The following WDR76 variants were observed in gnomAD, a reference collection of about 807,000 sequenced individuals.
WDR76 encodes the protein WD repeat domain 76.
Under a neutral mutation model 70.2 loss-of-function variants are expected in WDR76, and 52 were observed. The observed-to-expected ratio is 0.74, with a 90% CI of 0.59 to 0.93. The LOEUF (loss-of-function observed/expected upper bound fraction) is 0.93. Among genes scored for constraint, WDR76 ranks in the 40% least tolerant of loss-of-function variants. WDR76 has a pLI of 0.00. For synonymous variants in WDR76, 292 were observed against 271.1 expected, an observed-to-expected ratio of 1.08 and a Z score of -0.76; for missense variants, 756 against 760.2, an observed-to-expected ratio of 0.99 and a Z score of 0.07.
intron 5 of WDR76, among the ~76,000 whole-genome samples, chr15:43,840,586 A>G (rs967717153): frequency 6.6e-6 from 1 of 152,216 alleles, no homozygotes; most frequent in Non-Finnish European, 1.5e-5. Flanking sequence ...AGATAGCACT[A>G]ATTAGGCTGG....
intron 8 of WDR76, among the ~76,000 whole-genome samples, chr15:43,847,252 T>C (rs575645078): frequency 2.7e-4 from 41 of 152,150 alleles, no homozygotes; most frequent in African/African-American, 8.9e-4. Flanking sequence ...AAATGTAAAA[T>C]TCAATGCTTT....
chr15:43,858,585 G>A lies in WDR76; in HGVS notation c.1410-86G>A, dbSNP rs562200549. On this transcript the variant is annotated intron_variant, in intron 10 of 12. Transcript: ENST00000263795. ...AAATGTTCTTCAGTATAGCAAGTAT[G>A]TGAGTGTCTAACTTATGTTTAGCCC... 4 of 1,506,674 alleles carry A rather than the reference G, an allele frequency of 2.7e-6. No individual in the cohort carries two copies. In the African/African-American group the frequency reaches 5.5e-5, roughly 21 times the overall value. The allele number at this position is 1,506,674 out of a possible 1,614,324, so 93.3% of individuals were successfully genotyped here.
intron 12 of WDR76, among the ~76,000 whole-genome samples, chr15:43,864,378 A>G (rs1221215469): frequency 6.6e-6 from 1 of 152,186 alleles, no homozygotes; most frequent in Admixed American, 6.5e-5. Flanking sequence ...CCAACAATGT[A>G]CAAGGGGTCC....
intron 5 of WDR76, among the ~76,000 whole-genome samples, chr15:43,841,201 GT>G (rs910565504): frequency 0.14 from 14,201 of 102,146 alleles, 592 homozygotes; most frequent in East Asian, 0.25. Context: ...TTGTTTTTTT[GT>G]TTTTTTTTTT....
In WDR76 at chr15:43,839,616, A is replaced by G; in HGVS notation, c.620A>G (p.Lys207Arg). ...CCCCACTCCTTTAGAAAGAAGCCTA[A>G]GAGAGAAAATGGGATTGGATGTAGA... is the stretch of plus-strand genomic sequence containing the variant. ...QPPKSKRKKP[K>R]RENGIGCRRS... Residue 207 changes from lysine to arginine, a missense_variant, in exon 5 of 13, where the codon AAG becomes AGG. Lys to Arg is a conservative substitution (Grantham distance 26, BLOSUM62 2). Transcript: ENST00000263795. 1 of 1,610,750 alleles carries G rather than the reference A, an allele frequency of 6.2e-7. No individual in the cohort carries two copies.
intron 8 of WDR76, among the ~76,000 whole-genome samples, chr15:43,850,518 A>T (rs1412859317): frequency 2.0e-5 from 3 of 151,834 alleles, no homozygotes; most frequent in Non-Finnish European, 1.5e-5. Flanking sequence ...GATGGTCTCG[A>T]TCTCCTGACC....
chr15:43,827,117 A>C, intron 1 of WDR76, 25 bp downstream of exon 1: 3 of 1,514,792 alleles, frequency 2.0e-6, no homozygotes, highest in Non-Finnish European at 2.7e-6. Flanking sequence ...GGTGCTTCCA[A>C]GGTGTGCTCC....
chr15:43,834,158 T>G (rs2141725319), intron 2 of WDR76, among the ~76,000 whole-genome samples: 1 of 152,296 alleles, frequency 6.6e-6, no homozygotes, highest in African/African-American at 2.4e-5. Flanking sequence ...TTTTGCTATT[T>G]CCTGAATATA....
At position 43,866,408 on chromosome 15, in the gene WDR76, ACATCAATTTGTT is replaced by A; in HGVS notation, c.*19_*30del. ...AAGCTGCTGAGTTTTTGGTTTAGGAACATCAATTTGTTCAAATTGACCACTGTCTAAGGAGCC... is the reference window on the plus strand; with the variant it reads ...AAGCTGCTGAGTTTTTGGTTTAGGAACAAATTGACCACTGTCTAAGGAGCC... On this transcript the variant is annotated 3_prime_UTR_variant, in exon 13 of 13. Transcript: ENST00000263795. The A allele has an allele frequency of 6.2e-7, 1 of 1,611,540 alleles. No homozygotes were observed. The highest frequency in any genetic ancestry group is 8.5e-7 in the Non-Finnish European group (1 of 1,177,834).
chr15:43,839,855 A>G lies in WDR76; in HGVS notation c.732+127A>G, dbSNP rs902720567. ...TATTTCATTAATACTTGAATGTTGT[A>G]TGGTTTTGTTTTGTTTTTTTGAGAT... On this transcript the variant is annotated intron_variant, in intron 5 of 12. Coordinates refer to ENST00000263795, the MANE Select transcript of WDR76 (RefSeq NM_024908.4). The G allele has an allele frequency of 4.1e-6, 5 of 1,210,662 alleles. No individual in the cohort carries two copies. The African/African-American group carries it at 6.3e-5, about 15-fold the overall frequency. The allele number at this position is 1,210,662 out of a possible 1,614,324, so 75.0% of individuals were successfully genotyped here.
intron 12 of WDR76, among the ~76,000 whole-genome samples, chr15:43,864,717 C>G (rs1366902122): frequency 6.6e-6 from 1 of 151,750 alleles, no homozygotes; most frequent in Non-Finnish European, 1.5e-5. Context: ...GCCTCAGCCT[C>G]CTGAGTAGCT....
intron 8 of WDR76, among the ~76,000 whole-genome samples, chr15:43,847,022 C>CAAAA (rs57096588): frequency 1.2e-3 from 83 of 66,696 alleles, no homozygotes; most frequent in Non-Finnish European, 2.5e-3. Context: ...AACACCACCT[C>CAAAA]AAAAAAAAAA....
Position 43,828,270 on chromosome 15 carries a change from G to A in WDR76, c.366G>A (p.Lys122=). 6.2e-7 allele frequency: 1 copy of A among 1,614,194 alleles called. No homozygotes were observed. The highest frequency in any genetic ancestry group is 8.5e-7 in the Non-Finnish European group (1 of 1,180,044). The change falls in exon 2 of 13, where the codon AAG becomes AAA. Residue 122 remains lysine (K), a synonymous_variant. Transcript: ENST00000263795. ...SSSAVHTESN[K]LQPKRTADAM... ...CAGCTGTTCATACTGAAAGTAACAAGCTACAACCCAAGAGAACGGCAGATG... is the reference window on the plus strand; with the variant it reads ...CAGCTGTTCATACTGAAAGTAACAAACTACAACCCAAGAGAACGGCAGATG...
At position 43,828,118 on chromosome 15, in the gene WDR76, G is replaced by C; in HGVS notation, c.214G>C (p.Glu72Gln). The C allele has an allele frequency of 6.2e-7, 1 of 1,614,086 alleles. No homozygotes were observed. Among genetic ancestry groups the C allele is most frequent in the Non-Finnish European group, 8.5e-7 (1 of 1,180,018 alleles). ...GCTTATGTGCCCCAAATCCCTATCA[G>C]AAAAGAATTCTAACAATGAAGTGGC... is the stretch of plus-strand genomic sequence containing the variant. ...DQLMCPKSLS[E>Q]KNSNNEVACK... Residue 72 changes from glutamate to glutamine, a missense_variant, in exon 2 of 13, where the codon GAA (glutamate) becomes CAA (glutamine). Coordinates refer to ENST00000263795, the MANE Select transcript of WDR76 (RefSeq NM_024908.4).
intron 8 of WDR76, among the ~76,000 whole-genome samples, chr15:43,847,338 G>A (rs1272498677): frequency 6.6e-6 from 1 of 151,762 alleles, no homozygotes; most frequent in Non-Finnish European, 1.5e-5. Context: ...CTGGCTCACT[G>A]CAATCTCTGC....
At chr15:43,848,930 C>CT (rs534839516) in intron 8 of WDR76, among the ~76,000 whole-genome samples, 3,545 of 127,078 alleles carry the variant, frequency 0.028, 139 homozygotes, top group African/African-American at 0.082. Context: ...AGAGTTGAGA[C>CT]TTTTTTTTTT....
chr15:43,830,329 G>A lies in WDR76; in HGVS notation c.462+1963G>A, dbSNP rs535109667. Among the ~76,000 whole-genome samples, 6 of 152,108 alleles carry A rather than the reference G, an allele frequency of 3.9e-5. No individual in the cohort carries two copies. In the East Asian group the frequency reaches 1.2e-3, roughly 30 times the overall value. ...TGTAATCCCAGCACCTTGGGAGGCT[G>A]AAGCAGGTGGATCACCTGAGGTGGG... On this transcript the variant is annotated intron_variant, in intron 2 of 12. Coordinates refer to ENST00000263795, the MANE Select transcript of WDR76 (RefSeq NM_024908.4).
intron 2 of WDR76, among the ~76,000 whole-genome samples, chr15:43,828,988 G>A (rs1321539350): frequency 6.6e-6 from 1 of 151,148 alleles, no homozygotes; most frequent in African/African-American, 2.4e-5. Flanking sequence ...CTGCAACCTC[G>A]GCCTCCCAGT....
At chr15:43,851,819 C>T (rs1304354913) in intron 9 of WDR76, among the ~76,000 whole-genome samples, 1 of 152,158 alleles carries the variant, frequency 6.6e-6, no homozygotes, top group African/African-American at 2.4e-5. Flanking sequence ...CCTGTAGTCT[C>T]AGCTACTCAG....
Sources: gnomAD v4.1 joint callset for allele counts (sites outside exome capture counted in the v4.1 genomes callset) on GRCh38, gnomAD v4.1.1 for gene constraint, MANE v1.5 for transcripts, NCBI Gene and HGNC (gene_info 2026-07-23, HGNC 2026-07-21) for gene names.